CNGB1: variants seen among roughly 807,000 people sequenced by gnomAD.
CNGB1 encodes cyclic nucleotide gated channel subunit beta 1.
In CNGB1, 126 loss-of-function variants were observed where a neutral mutation model predicts 151.7. The observed-to-expected ratio is 0.83, with a 90% confidence interval of 0.72 to 0.96. The LOEUF (loss-of-function observed/expected upper bound fraction) is 0.96. CNGB1 is among the 40% of genes least tolerant of loss of function. The probability of loss-of-function intolerance (pLI) is 0.00; values close to 1 mark genes in which losing one functional copy is unlikely to be tolerated. For synonymous variants in CNGB1, 623 were observed against 635.1 expected, an observed-to-expected ratio of 0.98 and a Z score of 0.29; for missense variants, 1,698 against 1,627.0, an observed-to-expected ratio of 1.04 and a Z score of -0.75.
chr16:57,946,735 G>A (rs1961819622), intron 14 of CNGB1: 1 of 152,262 alleles, frequency 6.6e-6, no homozygotes, highest in Non-Finnish European at 1.5e-5. Flanking sequence ...CTGGCCAAGA[G>A]CATCCTTCCC....
rs566079020 is a variant in CNGB1 at position 57,923,324 on chromosome 16, G to A, written c.1592C>T (p.Ala531Val). 3 of 1,613,338 alleles carry A rather than the reference G, an allele frequency of 1.9e-6. No homozygotes were observed. The highest frequency in any genetic ancestry group is 4.5e-5 in the East Asian group (2 of 44,764). Residue 531 changes from alanine to valine, a missense_variant, in exon 18 of 33, where the codon GCA becomes GTA. By Grantham distance (64) the Ala-to-Val change is moderately conservative. Transcript: ENST00000251102. Reference sequence around the variant, plus strand: ...AGACCAGGCAACCACTGGGGACTCTGCTGGTGACAACGCCTTGAGCTCTTC... The same window carrying A: ...AGACCAGGCAACCACTGGGGACTCTACTGGTGACAACGCCTTGAGCTCTTC... ...EAEELKALSP[A>V]ESPVVAWSDP...
At chr16:57,967,371 T>C (rs1025128789) in intron 1 of CNGB1, 77 bp from the exon 2 acceptor site, 7 of 1,439,212 alleles carry the variant, frequency 4.9e-6, no homozygotes, top group Non-Finnish European at 6.8e-6. Context: ...CTCTTATGAG[T>C]TGTACATTTC....
intron 31 of CNGB1, among the ~76,000 whole-genome samples, chr16:57,890,084 T>C (rs1271446969): frequency 6.6e-6 from 1 of 152,226 alleles, no homozygotes; most frequent in Non-Finnish European, 1.5e-5. Flanking sequence ...TTTTTCACAC[T>C]ACAAACATGC....
chr16:57,903,726 C>CA, intron 27 of CNGB1, 96 bp downstream of exon 27: 2 of 1,423,270 alleles, frequency 1.4e-6, no homozygotes, highest in Non-Finnish European at 2.0e-6. Flanking sequence ...CTCAGAGACA[C>CA]AGAGGACGAG....
chr16:57,915,551 G>A (rs1423216601), intron 22 of CNGB1, among the ~76,000 whole-genome samples: 3 of 152,190 alleles, frequency 2.0e-5, no homozygotes, highest in Non-Finnish European at 2.9e-5. Context: ...CATTATCCTC[G>A]ATAGTGGCTG....
chr16:57,956,934 G>A (rs1388026748), intron 12 of CNGB1, among the ~76,000 whole-genome samples: 1 of 152,164 alleles, frequency 6.6e-6, no homozygotes, highest in African/African-American at 2.4e-5. Context: ...GCTGGAGGCT[G>A]TGGAGCCTGG....
chr16:57,904,870 A>G lies in CNGB1; in HGVS notation c.2498T>C (p.Ile833Thr). The G allele has an allele frequency of 6.2e-7, 1 of 1,614,156 alleles. No individual in the cohort carries two copies. The highest frequency in any genetic ancestry group is 1.1e-5 in the South Asian group (1 of 91,056). The change falls in exon 26 of 33, where the codon ATT (isoleucine) becomes ACT (threonine). Residue 833 changes from isoleucine (I) to threonine (T), a missense_variant. Transcript: ENST00000251102. ...WVYDGVGNSY[I>T]RCYYFAVKTL... ...CTTCACAGCAAAGTAGTAACAGCGA[A>G]TATAACTGGAGAGAGAGGAGAAAGG... is the stretch of plus-strand genomic sequence containing the variant.
chr16:57,921,269 T>A (rs951780393), intron 18 of CNGB1, among the ~76,000 whole-genome samples: 1 of 142,964 alleles, frequency 7.0e-6, no homozygotes, highest in Admixed American at 7.2e-5. Flanking sequence ...GTCGCCCAGC[T>A]GGAGTGGCAG....
At chr16:57,946,866 A>G (rs1397589975) in intron 14 of CNGB1, among the ~76,000 whole-genome samples, 1 of 152,188 alleles carries the variant, frequency 6.6e-6, no homozygotes, top group African/African-American at 2.4e-5. Flanking sequence ...AAGTTCCCCA[A>G]GTTCAAAACT....
intron 16 of CNGB1, among the ~76,000 whole-genome samples, chr16:57,935,623 G>A (rs946490356): frequency 4.6e-5 from 7 of 151,960 alleles, no homozygotes; most frequent in East Asian, 3.9e-4. Flanking sequence ...ACTCCAGCCC[G>A]AGCAACAGAG....
chr16:57,892,745 C>T (rs1427189551), intron 31 of CNGB1, among the ~76,000 whole-genome samples: 1 of 152,182 alleles, frequency 6.6e-6, no homozygotes, highest in African/African-American at 2.4e-5. Context: ...CCTGCTCCTC[C>T]CCAGGGCCTC....
In CNGB1 at chr16:57,897,456, G is replaced by A. The variant is rs760975936; in HGVS notation, c.3183C>T (p.Asp1061=). 12 of 1,614,050 alleles carry A rather than the reference G, an allele frequency of 7.4e-6. No individual in the cohort carries two copies. The South Asian group carries it at 8.8e-5, about 12-fold the overall frequency. The change falls in exon 31 of 33, where the codon GAC becomes GAT. Residue 1061 remains aspartate (D), a synonymous_variant. Transcript: ENST00000251102. Reference sequence around the variant, plus strand: ...GATAATGCACCAAAATCTCATTCAGGTCCTTCTTATCCAGGATGAAGAGGT... The same window carrying A: ...GATAATGCACCAAAATCTCATTCAGATCCTTCTTATCCAGGATGAAGAGGT... ...FTNLFILDKK[D]LNEILVHYPE...
chr16:57,909,181 T>A (rs1960639125), intron 25 of CNGB1, among the ~76,000 whole-genome samples: 1 of 151,988 alleles, frequency 6.6e-6, no homozygotes, highest in African/African-American at 2.4e-5. Flanking sequence ...GGTGGGGGGA[T>A]CACTTGAGCC....
intron 16 of CNGB1, among the ~76,000 whole-genome samples, chr16:57,934,477 A>G (rs749684301): frequency 6.6e-6 from 1 of 152,184 alleles, no homozygotes; most frequent in Non-Finnish European, 1.5e-5. Context: ...TAATGTTCTT[A>G]CTACAGCTTC....
At chr16:57,943,172 A>C (rs1264102821) in intron 14 of CNGB1, among the ~76,000 whole-genome samples, 2 of 152,162 alleles carry the variant, frequency 1.3e-5, no homozygotes, top group Non-Finnish European at 2.9e-5. Flanking sequence ...AATATATAAG[A>C]AACTCAACTC....
chr16:57,907,693 C>T (rs1472750916), intron 25 of CNGB1, among the ~76,000 whole-genome samples: 2 of 152,174 alleles, frequency 1.3e-5, no homozygotes, highest in African/African-American at 4.8e-5. Context: ...CCCCCTCTGC[C>T]TCCTTGTGAT....
At chr16:57,886,100 A>T (rs1959921982) in intron 32 of CNGB1, among the ~76,000 whole-genome samples, 1 of 152,092 alleles carries the variant, frequency 6.6e-6, no homozygotes, top group Admixed American at 6.6e-5. Flanking sequence ...ACCCTCAGTA[A>T]TCCAAGTCTC....
intron 32 of CNGB1, among the ~76,000 whole-genome samples, chr16:57,885,594 CTTT>C (rs1410779733): frequency 0.032 from 4,541 of 140,702 alleles, 305 homozygotes; most frequent in African/African-American, 0.12. Flanking sequence ...TTCTTTCTTT[CTTT>C]CTTTCTTTCT....
At chr16:57,933,781 G>A (rs1961427760) in intron 16 of CNGB1, among the ~76,000 whole-genome samples, 1 of 147,704 alleles carries the variant, frequency 6.8e-6, no homozygotes, top group Admixed American at 6.7e-5. Context: ...GGAGTATAGT[G>A]GTGTGATCTC....
Sources: allele counts gnomAD v4.1 joint callset (sites outside exome capture counted in the v4.1 genomes callset), GRCh38; gene constraint gnomAD v4.1.1; transcripts MANE v1.5; gene names NCBI Gene and HGNC (gene_info 2026-07-23, HGNC 2026-07-21).